Variants in CDC45 observed in about 807,000 individuals in gnomAD.
The protein encoded by CDC45 is cell division cycle 45, also known as cell division control protein 45 homolog.
CDC45 carries 54 observed loss-of-function variants against 77.8 expected under a neutral mutation model. The ratio of observed to expected loss-of-function variants is 0.69; its 90% CI spans 0.56 to 0.87. The LOEUF (loss-of-function observed/expected upper bound fraction) is 0.87. CDC45 is among the 40% of genes least tolerant of loss of function. The probability of loss-of-function intolerance (pLI) is 0.00; values close to 1 mark genes in which losing one functional copy is unlikely to be tolerated. For missense variants in CDC45, 649 were observed against 721.6 expected (o/e 0.90, Z 1.15); for synonymous variants, 260 against 272.1 (o/e 0.96, Z 0.44).
intron 7 of CDC45, among the ~76,000 whole-genome samples, chr22:19,496,375 T>C (rs2073759): frequency 0.43 from 65,144 of 152,186 alleles, 15,701 homozygotes; most frequent in South Asian, 0.61. Context: ...AGACTTATAA[T>C]GGCCCATCAG....
At chr22:19,485,450 T>C (rs986714564) in intron 5 of CDC45, among the ~76,000 whole-genome samples, 4 of 152,174 alleles carry the variant, frequency 2.6e-5, no homozygotes, top group African/African-American at 9.7e-5. Context: ...GCCAAGAGGA[T>C]TCCTGGGCAG....
In CDC45 at chr22:19,516,522, C is replaced by A. The variant is rs1200995661; in HGVS notation, c.1441-5C>A. On this transcript the variant is annotated splice_region_variant and splice_polypyrimidine_tract_variant and intron_variant, in intron 15 of 18. Coordinates refer to ENST00000263201, the MANE Select transcript of CDC45 (RefSeq NM_003504.5). ...CCTGACGGAGGGTGCTCTCCGACTC[C>A]ATAGACAAAGAACCGGCGCTGCAAA... 6.2e-7 allele frequency: 1 copy of A among 1,612,698 alleles called. No individual in the cohort carries two copies. Among genetic ancestry groups the A allele is most frequent in the East Asian group, 2.2e-5 (1 of 44,858 alleles).
chr22:19,505,850 G>A (rs991707237), intron 10 of CDC45, among the ~76,000 whole-genome samples: 8 of 152,194 alleles, frequency 5.3e-5, no homozygotes, highest in Non-Finnish European at 1.2e-4. Flanking sequence ...CATTGGTGGA[G>A]TGCTCAGAAA....
At chr22:19,481,163 T>A in intron 3 of CDC45, 118 bp downstream of exon 3, 1 of 623,674 alleles carries the variant, frequency 1.6e-6, no homozygotes. Context: ...CATTAGGCAA[T>A]ATGGAAGAGA....
At chr22:19,492,199 C>T (rs1265974260) in intron 5 of CDC45, among the ~76,000 whole-genome samples, 11 of 152,058 alleles carry the variant, frequency 7.2e-5, no homozygotes, top group South Asian at 4.1e-4. Context: ...GCACTGATGA[C>T]GTGAATGTTA....
At chr22:19,511,463 TG>T (rs980601004) in intron 13 of CDC45, among the ~76,000 whole-genome samples, 1 of 151,020 alleles carries the variant, frequency 6.6e-6, no homozygotes, top group Non-Finnish European at 1.5e-5. Context: ...CCTGAATAGG[TG>T]GGATTACAGG....
intron 13 of CDC45, among the ~76,000 whole-genome samples, chr22:19,510,201 CT>C (rs1390121588): frequency 1.2e-4 from 19 of 152,154 alleles, no homozygotes; most frequent in African/African-American, 4.3e-4. Flanking sequence ...TCAAGCAATC[CT>C]TTCACCTCAG....
intron 15 of CDC45, 88 bp downstream of exon 15, chr22:19,515,136 G>A: frequency 3.2e-6 from 4 of 1,248,402 alleles, no homozygotes; most frequent in South Asian, 1.5e-5. Context: ...GCCTTGGGGT[G>A]CCTGTGGCTG....
In CDC45 at chr22:19,518,834, A is replaced by G; in HGVS notation, c.1637-10A>G. On this transcript the variant is annotated splice_polypyrimidine_tract_variant and intron_variant, in intron 17 of 18. Transcript: ENST00000263201. ...CCCTTCTCACGGCTGTTTTTCTTTC[A>G]TTACTTCAGTAATTGAGCTGAAAGC... 17 of 1,613,236 alleles carry G rather than the reference A, an allele frequency of 1.1e-5. No homozygotes were observed. Among genetic ancestry groups the G allele is most frequent in the Non-Finnish European group, 1.4e-5 (16 of 1,179,250 alleles).
In CDC45 at chr22:19,494,344, C is replaced by T. The variant is rs1190198181; in HGVS notation, c.504C>T (p.Thr168=). The T allele has an allele frequency of 6.2e-7, 1 of 1,612,884 alleles. No homozygotes were observed. The highest frequency in any genetic ancestry group is 8.5e-7 in the Non-Finnish European group (1 of 1,179,992). The change falls in exon 6 of 19, where the codon ACC becomes ACT. Residue 168 remains threonine, a synonymous_variant. Coordinates refer to ENST00000263201, the MANE Select transcript of CDC45 (RefSeq NM_003504.5). ...TGTATCAGGAGATAGTGGAGCAAACCATGCGGAGGAGGCAGCGGCGAGAGT... is the reference window on the plus strand; with the variant it reads ...TGTATCAGGAGATAGTGGAGCAAACTATGCGGAGGAGGCAGCGGCGAGAGT... ...TRLEEEIVEQ[T]MRRRQRREWE... is the part of the protein sequence containing the mutation.
At chr22:19,495,270 A>G (rs1451721374) in intron 6 of CDC45, among the ~76,000 whole-genome samples, 1 of 152,238 alleles carries the variant, frequency 6.6e-6, no homozygotes, top group African/African-American at 2.4e-5. Flanking sequence ...CAGGCTTTCT[A>G]AACAGCCTAG....
Position 19,518,864 on chromosome 22 carries a change from G to A in CDC45, c.1657G>A (p.Asp553Asn). Residue 553 changes from aspartate to asparagine, a missense_variant, in exon 18 of 19, where the codon GAT (aspartate) becomes AAT (asparagine). Asp to Asn is a conservative substitution (Grantham distance 23). Transcript: ENST00000263201. ...DLSVIELKAE[D>N]RSKFLDALIS... ...TTCAGTAATTGAGCTGAAAGCTGAGGATCGGAGCAAGTTTCTGGACGCACT... is the reference window on the plus strand; with the variant it reads ...TTCAGTAATTGAGCTGAAAGCTGAGAATCGGAGCAAGTTTCTGGACGCACT... The A allele has an allele frequency of 6.2e-7, 1 of 1,614,118 alleles. No homozygotes were observed. The highest frequency in any genetic ancestry group is 8.5e-7 in the Non-Finnish European group (1 of 1,179,986).
intron 5 of CDC45, among the ~76,000 whole-genome samples, chr22:19,485,393 A>G (rs956727051): frequency 2.0e-5 from 3 of 152,256 alleles, no homozygotes; most frequent in Non-Finnish European, 4.4e-5. Context: ...AATGAGCACA[A>G]TTAGGGAAAG....
chr22:19,507,441 A>G lies in CDC45; in HGVS notation c.880A>G (p.Ser294Gly). 1 of 1,614,122 alleles carries G rather than the reference A, an allele frequency of 6.2e-7. No homozygotes were observed. Among genetic ancestry groups the G allele is most frequent in the Non-Finnish European group, 8.5e-7 (1 of 1,180,014 alleles). The change falls in exon 11 of 19, where the codon AGC (serine) becomes GGC (glycine). Residue 294 changes from serine to glycine, a missense_variant. Transcript: ENST00000263201. ...CCTCCATGACAGCCTGTGCAACACC[A>G]GCTATACCGCAGCCAGGTTCAAGCT... ...WSLHDSLCNTSYTAARFKLWS... is the reference protein window; with the variant it reads ...WSLHDSLCNTGYTAARFKLWS...
Sources: gnomAD v4.1 joint callset for allele counts (sites outside exome capture counted in the v4.1 genomes callset) on GRCh38, gnomAD v4.1.1 for gene constraint, MANE v1.5 for transcripts, NCBI Gene and HGNC (gene_info 2026-07-23, HGNC 2026-07-21) for gene names.